The following MYO16 variants were observed in gnomAD, a reference collection of about 807,000 sequenced individuals.
The protein encoded by MYO16 is unconventional myosin-XVI.
Under a neutral mutation model 205.3 loss-of-function variants are expected in MYO16, and 94 were observed. The observed-to-expected ratio is 0.46, with a 90% CI of 0.39 to 0.54. The LOEUF is 0.54. Among genes scored for constraint, MYO16 ranks in the 20% least tolerant of loss-of-function variants. The pLI is 0.00. For synonymous variants in MYO16, 988 were observed against 954.0 expected (o/e 1.04, Z -0.66); for missense variants, 2,315 against 2,387.5 (o/e 0.97, Z 0.63).
chr13:109,091,373 T>G (rs987987876), intron 27 of MYO16, among the ~76,000 whole-genome samples: 12 of 152,226 alleles, frequency 7.9e-5, no homozygotes, highest in African/African-American at 2.9e-4. Context: ...GCCTGCAAGC[T>G]TAATCGGTTT....
At chr13:108,590,130 A>G in the MYO16 span, among the ~76,000 whole-genome samples, 2 of 152,210 alleles carry the variant, frequency 1.3e-5, no homozygotes, top group African/African-American at 2.4e-5. Flanking sequence ...AACCATTATC[A>G]AAATCCTGTT....
chr13:108,765,770 C>G (rs1315057461), intron 4 of MYO16, among the ~76,000 whole-genome samples: 1 of 152,122 alleles, frequency 6.6e-6, no homozygotes. Flanking sequence ...TAGGATTATT[C>G]CCTTTTGTTA....
intron 27 of MYO16, among the ~76,000 whole-genome samples, chr13:109,068,185 T>A (rs1412077709): frequency 2.0e-5 from 3 of 152,250 alleles, no homozygotes; most frequent in Non-Finnish European, 4.4e-5. Context: ...TGAATATTTT[T>A]ATTAAAAAAT....
At chr13:108,551,313 G>C in the MYO16 span, among the ~76,000 whole-genome samples, 3 of 152,252 alleles carry the variant, frequency 2.0e-5, no homozygotes, top group East Asian at 5.8e-4. Context: ...CCTGTAGCTT[G>C]CTCCCTAAGT....
the MYO16 span, among the ~76,000 whole-genome samples, chr13:108,576,820 G>C: frequency 1.3e-5 from 2 of 151,916 alleles, no homozygotes; most frequent in African/African-American, 4.8e-5. Flanking sequence ...GGAGTGCAGT[G>C]GTGCAATCAC....
chr13:109,191,480 G>A (rs549695992), intron 34 of MYO16, among the ~76,000 whole-genome samples: 1 of 152,252 alleles, frequency 6.6e-6, no homozygotes, highest in South Asian at 2.1e-4. Context: ...GGTCAGACTG[G>A]AGAGTGGTGA....
intron 16 of MYO16, among the ~76,000 whole-genome samples, chr13:108,952,462 T>G (rs1883194357): frequency 6.6e-6 from 1 of 152,212 alleles, no homozygotes; most frequent in African/African-American, 2.4e-5. Context: ...AATAATGGCT[T>G]CTTTTGTGAA....
At chr13:108,942,992 C>A (rs1314716205) in intron 16 of MYO16, among the ~76,000 whole-genome samples, 3 of 152,122 alleles carry the variant, frequency 2.0e-5, no homozygotes, top group Admixed American at 2.0e-4. Context: ...TTATTCAGGT[C>A]TATGACTCCA....
the MYO16 span, among the ~76,000 whole-genome samples, chr13:108,558,692 G>A: frequency 6.6e-6 from 1 of 152,146 alleles, no homozygotes; most frequent in Non-Finnish European, 1.5e-5. Context: ...GTCTGCCCTT[G>A]CTCCTGCTGC....
intron 1 of MYO16, among the ~76,000 whole-genome samples, chr13:108,618,698 G>A (rs559970253): frequency 2.2e-4 from 33 of 152,250 alleles, no homozygotes; most frequent in African/African-American, 7.9e-4. Flanking sequence ...TCAGTCAATA[G>A]TTGTTGAATG....
At chr13:108,735,770 A>G (rs1250885849) in intron 4 of MYO16, among the ~76,000 whole-genome samples, 5 of 151,024 alleles carry the variant, frequency 3.3e-5, no homozygotes, top group African/African-American at 1.2e-4. Context: ...CAGTGTAAAA[A>G]TGTTCCTATT....
chr13:108,938,864 A>G lies in MYO16; in HGVS notation c.1926-18824A>G, dbSNP rs112665086. On this transcript the variant is annotated intron_variant, in intron 16 of 34. Transcript: ENST00000457511. ...GCAGAGAGAGCCTTGCTGCACCACA[A>G]TCTCAGGGGAGTAGGCTGGTGAACC... Among the ~76,000 whole-genome samples, 1,216 of 152,168 alleles carry G rather than the reference A, an allele frequency of 8.0e-3. 18 individuals are homozygous for G. The highest frequency in any genetic ancestry group is 0.028 in the African/African-American group (1,172 of 41,428).
At chr13:109,063,948 C>T (rs887225465) in intron 27 of MYO16, among the ~76,000 whole-genome samples, 3 of 152,048 alleles carry the variant, frequency 2.0e-5, no homozygotes, top group African/African-American at 7.2e-5. Flanking sequence ...TTATAAAATA[C>T]CAGATAAGTT....
At chr13:108,898,359 T>TGTGTGTGTGC (rs764002268) in intron 15 of MYO16, among the ~76,000 whole-genome samples, 8,382 of 133,648 alleles carry the variant, frequency 0.063, 271 homozygotes, top group Non-Finnish European at 0.075. Context: ...TGAGTGTGTG[T>TGTGTGTGTGC]GTGTGTGTGT....
chr13:108,627,965 A>G (rs1280127730), upstream of MYO16, among the ~76,000 whole-genome samples: 2 of 152,180 alleles, frequency 1.3e-5, no homozygotes, highest in African/African-American at 4.8e-5. Flanking sequence ...ATACAACCTT[A>G]CCCGAAGATA....
Position 109,055,258 on chromosome 13 carries a change from C to G in MYO16, c.3129+132C>G. The G allele has an allele frequency of 1.1e-6, 1 of 906,660 alleles. No homozygotes were observed. Among genetic ancestry groups the G allele is most frequent in the South Asian group, 1.7e-5 (1 of 58,212 alleles). 56.2% of individuals were successfully genotyped at this position (906,660 alleles called of 1,614,324 possible). On this transcript the variant is annotated intron_variant, in intron 26 of 34. Transcript: ENST00000457511. This position sits in a 1 kb window ranked among gnomAD's most constrained non-coding sequence, Gnocchi z 5.0. ...AAAAAAGTAAACATACACACACACA[C>G]ACACACACACACACACAGAGTAAAT... is the stretch of plus-strand genomic sequence containing the variant.
the MYO16 span, among the ~76,000 whole-genome samples, chr13:108,573,820 T>C: frequency 2.6e-5 from 4 of 152,166 alleles, no homozygotes; most frequent in African/African-American, 9.7e-5. Context: ...AGGTTCAGTA[T>C]ATTTCATGAG....
At chr13:109,156,673 T>C (rs933721006) in intron 32 of MYO16, among the ~76,000 whole-genome samples, 13 of 152,120 alleles carry the variant, frequency 8.5e-5, no homozygotes, top group African/African-American at 3.1e-4. Context: ...TCTCCCCTGC[T>C]TCCTGGCCTT....
At chr13:108,672,226 A>G (rs753314358) in intron 2 of MYO16, among the ~76,000 whole-genome samples, 7 of 152,224 alleles carry the variant, frequency 4.6e-5, no homozygotes, top group Non-Finnish European at 1.0e-4. Context: ...GCACATAAGA[A>G]AAAGTTTTCA....
Sources: gnomAD v4.1 joint callset for allele counts (sites outside exome capture counted in the v4.1 genomes callset) on GRCh38, gnomAD v4.1.1 for gene constraint, Gnocchi (gnomAD v3.1) non-coding constraint, MANE v1.5 for transcripts, NCBI Gene and HGNC (gene_info 2026-07-23, HGNC 2026-07-21) for gene names.